The following DLGAP2 variants were observed in gnomAD, a reference collection of about 807,000 sequenced individuals.
DLGAP2 encodes the protein DLG associated protein 2, also known as disks large-associated protein 2.
Under a neutral mutation model 100.3 loss-of-function variants are expected in DLGAP2, and 26 were observed. The ratio of observed to expected loss-of-function variants is 0.26; its 90% CI spans 0.19 to 0.36. The LOEUF (loss-of-function observed/expected upper bound fraction) is 0.36. Among genes scored for constraint, DLGAP2 ranks in the 10% least tolerant of loss-of-function variants. DLGAP2 has a pLI of 1.00. For missense variants in DLGAP2, 1,858 were observed against 1,453.2 expected (o/e 1.28, Z -4.53); for synonymous variants, 886 against 630.1 (o/e 1.41, Z -6.08).
At chr8:1,427,222 T>C (rs1797260619) in intron 3 of DLGAP2, among the ~76,000 whole-genome samples, 1 of 152,136 alleles carries the variant, frequency 6.6e-6, no homozygotes, top group Non-Finnish European at 1.5e-5. Flanking sequence ...CCTACAATTA[T>C]AGATTTCAGT....
intron 1 of DLGAP2, among the ~76,000 whole-genome samples, chr8:753,097 G>A (rs1290207215): frequency 6.6e-6 from 1 of 152,226 alleles, no homozygotes; most frequent in Non-Finnish European, 1.5e-5. Flanking sequence ...CCTGCAACCA[G>A]AGGTGTTGAG....
chr8:1,604,943 G>A (rs1796748425), intron 6 of DLGAP2, among the ~76,000 whole-genome samples: 1 of 152,210 alleles, frequency 6.6e-6, no homozygotes, highest in African/African-American at 2.4e-5. Flanking sequence ...TGCAGAAAAG[G>A]TCTGATGTCT....
At chr8:1,070,858 G>A (rs767142711) in intron 2 of DLGAP2, among the ~76,000 whole-genome samples, 1 of 152,122 alleles carries the variant, frequency 6.6e-6, no homozygotes, top group Non-Finnish European at 1.5e-5. Flanking sequence ...CTCGCCCCTC[G>A]CCCTCACTCT....
intron 3 of DLGAP2, among the ~76,000 whole-genome samples, chr8:1,419,532 A>G (rs75379251): frequency 0.059 from 8,673 of 146,224 alleles, 1,161 homozygotes; most frequent in African/African-American, 0.22. Context: ...GTAATTGTAC[A>G]TATCTGTGGA....
intron 6 of DLGAP2, among the ~76,000 whole-genome samples, chr8:1,586,178 G>T (rs749094555): frequency 6.6e-6 from 1 of 152,206 alleles, no homozygotes; most frequent in Non-Finnish European, 1.5e-5. Flanking sequence ...CCCTCCTTCC[G>T]GGTCTCTCTG....
At chr8:1,377,712 C>T (rs764446878) in intron 3 of DLGAP2, among the ~76,000 whole-genome samples, 1 of 152,194 alleles carries the variant, frequency 6.6e-6, no homozygotes, top group Non-Finnish European at 1.5e-5. Context: ...GCAGCTCCCT[C>T]CTGTCTCCTC....
At chr8:1,480,938 C>T (rs758750838) in intron 3 of DLGAP2, among the ~76,000 whole-genome samples, 19 of 151,690 alleles carry the variant, frequency 1.3e-4, no homozygotes, top group South Asian at 2.1e-4. Flanking sequence ...TTTGGGAGGC[C>T]GAGGCGGGCA....
chr8:814,473 T>G (rs1336450601), intron 1 of DLGAP2, among the ~76,000 whole-genome samples: 1 of 152,214 alleles, frequency 6.6e-6, no homozygotes, highest in African/African-American at 2.4e-5. Context: ...CCTGAGGATG[T>G]ATTACTAGTA....
chr8:905,294 GTC>G (rs1048390641), intron 1 of DLGAP2, among the ~76,000 whole-genome samples: 2 of 152,118 alleles, frequency 1.3e-5, no homozygotes, highest in African/African-American at 4.8e-5. Context: ...GCTAGGGGCT[GTC>G]TCCTGGGGAG....
chr8:1,492,178 C>T (rs550653584), intron 3 of DLGAP2, among the ~76,000 whole-genome samples: 17 of 152,290 alleles, frequency 1.1e-4, no homozygotes, highest in African/African-American at 4.1e-4. Flanking sequence ...AATAAAATTA[C>T]GATCATTTCT....
chr8:1,435,437 C>T (rs969209978), intron 3 of DLGAP2, among the ~76,000 whole-genome samples: 1 of 152,094 alleles, frequency 6.6e-6, no homozygotes. Flanking sequence ...CTCCTACTGT[C>T]CAGTGACCTC....
chr8:1,247,267 G>T (rs548000254), intron 2 of DLGAP2, among the ~76,000 whole-genome samples: 1 of 115,768 alleles, frequency 8.6e-6, no homozygotes, highest in Non-Finnish European at 1.8e-5. Flanking sequence ...ATCAGTGTGG[G>T]AGTGAGATGG....
intron 2 of DLGAP2, among the ~76,000 whole-genome samples, chr8:1,031,455 A>C (rs1801970125): frequency 6.6e-6 from 1 of 151,952 alleles, no homozygotes; most frequent in Admixed American, 6.6e-5. Flanking sequence ...TCTGTCACCC[A>C]AGCTGTGGTG....
chr8:1,594,235 C>A (rs187086759), intron 6 of DLGAP2, among the ~76,000 whole-genome samples: 1 of 152,088 alleles, frequency 6.6e-6, no homozygotes, highest in East Asian at 1.9e-4. Flanking sequence ...AAAGATATTT[C>A]AAAGAAATAA....
chr8:1,668,648 C>T lies in DLGAP2; in HGVS notation c.2130C>T (p.Leu710=), dbSNP rs1186436602. Residue 710 remains leucine (L), a synonymous_variant, in exon 9 of 15, where the codon CTC becomes CTT. Coordinates refer to ENST00000637795, the MANE Select transcript of DLGAP2 (RefSeq NM_001346810.2). ...TGGTGTCCAAGGCGGAGGAGCTCCTCAAGAGCCGCTGCTCCTCCATCGGGA... is the reference window on the plus strand; with the variant it reads ...TGGTGTCCAAGGCGGAGGAGCTCCTTAAGAGCCGCTGCTCCTCCATCGGGA... ...AILVSKAEEL[L]KSRCSSIGIQ... 3 of 1,580,548 alleles carry T rather than the reference C, an allele frequency of 1.9e-6. No individual in the cohort carries two copies. Among genetic ancestry groups the T allele is most frequent in the African/African-American group, 1.3e-5 (1 of 74,242 alleles).
intron 2 of DLGAP2, among the ~76,000 whole-genome samples, chr8:997,103 A>C (rs978381781): frequency 6.6e-6 from 1 of 152,196 alleles, no homozygotes; most frequent in African/African-American, 2.4e-5. Flanking sequence ...CATTGTATGA[A>C]AATTGAGAAA....
At chr8:1,065,988 G>A (rs372253662) in intron 2 of DLGAP2, among the ~76,000 whole-genome samples, 8 of 152,352 alleles carry the variant, frequency 5.3e-5, no homozygotes, top group East Asian at 1.9e-4. Flanking sequence ...CAGCCTGAGC[G>A]TGGCCACGTC....
intron 3 of DLGAP2, among the ~76,000 whole-genome samples, chr8:1,344,022 G>A (rs533122604): frequency 2.0e-4 from 30 of 152,266 alleles, no homozygotes; most frequent in East Asian, 9.7e-4. Flanking sequence ...AGATGTTTCC[G>A]GTTCATTCAC....
At chr8:1,328,238 C>T (rs1801067828) in intron 3 of DLGAP2, among the ~76,000 whole-genome samples, 1 of 151,910 alleles carries the variant, frequency 6.6e-6, no homozygotes, top group Non-Finnish European at 1.5e-5. Context: ...GACAGGATTT[C>T]ACCTCATTGG....
Sources: allele counts gnomAD v4.1 joint callset (sites outside exome capture counted in the v4.1 genomes callset), GRCh38; gene constraint gnomAD v4.1.1; transcripts MANE v1.5; gene names NCBI Gene and HGNC (gene_info 2026-07-23, HGNC 2026-07-21).